The following CEP250 variants were observed in gnomAD, a reference collection of about 807,000 sequenced individuals.
CEP250 encodes the protein centrosomal protein 250, also known as centrosome-associated protein CEP250.
A neutral mutation model predicts 315.7 loss-of-function variants in CEP250; 242 were observed. That is an observed-to-expected ratio of 0.77 (90% CI 0.69 to 0.85). CEP250 has a LOEUF of 0.85. CEP250 is among the 40% of genes least tolerant of loss of function. CEP250 has a pLI of 0.00. For missense variants in CEP250, 2,515 were observed against 2,886.4 expected, an observed-to-expected ratio of 0.87 and a Z score of 2.95; for synonymous variants, 1,088 against 1,175.0, an observed-to-expected ratio of 0.93 and a Z score of 1.51.
At chr20:35,489,569 G>A (rs2063625136) in intron 20 of CEP250, among the ~76,000 whole-genome samples, 1 of 152,206 alleles carries the variant, frequency 6.6e-6, no homozygotes, top group African/African-American at 2.4e-5. Flanking sequence ...CATGCTAGTA[G>A]TGGTAGATTA....
intron 22 of CEP250, 45 bp from the exon 23 acceptor site, chr20:35,493,384 A>G (rs779216175): frequency 4.1e-6 from 6 of 1,459,422 alleles, no homozygotes; most frequent in Admixed American, 2.5e-5. Context: ...CAGTATTTCT[A>G]TGACACAGAT....
Position 35,501,895 on chromosome 20 carries a change from G to A in CEP250, c.3949G>A (p.Glu1317Lys). 5.0e-6 allele frequency: 8 copies of A among 1,613,648 alleles called. No individual in the cohort carries two copies. The highest frequency in any genetic ancestry group is 6.8e-6 in the Non-Finnish European group (8 of 1,179,968). Reference protein sequence around the residue: ...KQNSLESELMELHETMASLQS... With the variant: ...KQNSLESELMKLHETMASLQS... ...GAACTCCCTAGAATCTGAGCTGATG[G>A]AACTACATGAAACTATGGCATCCTT... is the stretch of plus-strand genomic sequence containing the variant. Residue 1317 changes from glutamate (E) to lysine (K), a missense_variant, in exon 29 of 35, where the codon GAA (glutamate) becomes AAA (lysine). Glu to Lys is a moderately conservative substitution (Grantham distance 56). Transcript: ENST00000397527.
At chr20:35,498,379 T>C (rs1431425028) in intron 26 of CEP250, among the ~76,000 whole-genome samples, 2 of 152,212 alleles carry the variant, frequency 1.3e-5, no homozygotes, top group Admixed American at 6.5e-5. Context: ...CTGGCACTTA[T>C]TAAGTGCGTA....
rs2064411926 is a variant in CEP250, at chr20:35,514,431, T to G, written c.*2805T>G. The G allele has an allele frequency of 6.6e-6, 1 of 152,332 alleles. No homozygotes were observed. The highest frequency in any genetic ancestry group is 2.4e-5 in the African/African-American group (1 of 41,468). 9.4% of individuals were successfully genotyped at this position (152,332 alleles called of 1,614,324 possible). Reference sequence around the variant, plus strand: ...GAAGCTGGTACTGGCTGGAAAGGCCTGAAAGCAGGAGGGGACAAGAGTCGT... The same window carrying G: ...GAAGCTGGTACTGGCTGGAAAGGCCGGAAAGCAGGAGGGGACAAGAGTCGT... On this transcript the variant is annotated 3_prime_UTR_variant, in exon 35 of 35. Coordinates refer to ENST00000397527, the MANE Select transcript of CEP250 (RefSeq NM_007186.6).
intron 32 of CEP250, 73 bp from the exon 33 acceptor site, chr20:35,508,870 C>T (rs2147216349): frequency 7.8e-7 from 1 of 1,280,894 alleles, no homozygotes; most frequent in South Asian, 1.3e-5. Flanking sequence ...CACTGGCCAC[C>T]TCTGGAGAAA....
At chr20:35,466,015 C>T in intron 6 of CEP250, 24 bp from the exon 7 acceptor site, 4 of 1,613,328 alleles carry the variant, frequency 2.5e-6, no homozygotes, top group Non-Finnish European at 2.5e-6. Flanking sequence ...ATTTTGCACC[C>T]ACTTTTACCC....
In CEP250 at chr20:35,511,710, A is replaced by G. The variant is rs1158936240; in HGVS notation, c.*84A>G. ...ACACCTACAGGTTTGCCAAAGGAAA[A>G]GCCTGGCTCTGTTAGGCACCCAGGA... On this transcript the variant is annotated 3_prime_UTR_variant, in exon 35 of 35. Coordinates refer to ENST00000397527, the MANE Select transcript of CEP250 (RefSeq NM_007186.6). 1.3e-6 allele frequency: 2 copies of G among 1,493,748 alleles called. No individual in the cohort carries two copies. The highest frequency in any genetic ancestry group is 1.4e-5 in the African/African-American group (1 of 71,544). The allele number at this position is 1,493,748 out of a possible 1,614,324, so 92.5% of individuals were successfully genotyped here.
Position 35,466,317 on chromosome 20 carries a change from C to T in CEP250, c.492+113C>T, listed in dbSNP as rs190716148. ...GACTTGGATGAAAACTGAGCTGTTGCTGTTAAAGTCCCTGACCATCCTTAC... is the reference window on the plus strand; with the variant it reads ...GACTTGGATGAAAACTGAGCTGTTGTTGTTAAAGTCCCTGACCATCCTTAC... On this transcript the variant is annotated intron_variant, in intron 7 of 34. Transcript: ENST00000397527. The T allele has an allele frequency of 1.3e-3, 1,715 of 1,272,724 alleles. 18 individuals carry two copies. In the Middle Eastern group the frequency reaches 0.016, roughly 12 times the overall value. The allele number at this position is 1,272,724 out of a possible 1,614,324, so 78.8% of individuals were successfully genotyped here.
At chr20:35,501,285 C>T (rs1355141227) in intron 28 of CEP250, among the ~76,000 whole-genome samples, 4 of 151,860 alleles carry the variant, frequency 2.6e-5, no homozygotes, top group Non-Finnish European at 5.9e-5. Context: ...TGCAGTGAGC[C>T]GAGATTGTGC....
intron 20 of CEP250, among the ~76,000 whole-genome samples, chr20:35,487,689 A>G (rs1038119020): frequency 1.3e-5 from 2 of 151,920 alleles, no homozygotes; most frequent in Non-Finnish European, 1.5e-5. Flanking sequence ...AATTCCAACA[A>G]TTTGGGAGGC....
chr20:35,469,368 C>T (rs1321060195), intron 9 of CEP250, among the ~76,000 whole-genome samples: 1 of 152,172 alleles, frequency 6.6e-6, no homozygotes, highest in East Asian at 1.9e-4. Context: ...TAGCCACTCA[C>T]ATAATAGCAA....
rs148254261 is a variant in CEP250 at position 35,504,195 on chromosome 20, G to A, written c.5826G>A (p.Leu1942=). The A allele has an allele frequency of 2.5e-6, 4 of 1,613,070 alleles. No individual in the cohort carries two copies. The African/African-American group carries it at 5.3e-5, about 22-fold the overall frequency. Residue 1942 remains leucine, a synonymous_variant, in exon 30 of 35, where the codon CTG becomes CTA. Transcript: ENST00000397527. ...QAVLKERDQE[L]EALRAESQSS... The stretch of plus-strand genomic sequence containing the variant: ...TGCTCAAGGAACGGGACCAGGAGCT[G>A]GAAGCTCTGCGGGCAGAAAGTCAGT...
At chr20:35,483,924 T>C (rs2063430713) in intron 20 of CEP250, among the ~76,000 whole-genome samples, 2 of 152,314 alleles carry the variant, frequency 1.3e-5, no homozygotes, top group Middle Eastern at 3.4e-3. Context: ...TTTCTAGATA[T>C]TTTATTTGGT....
intron 5 of CEP250, among the ~76,000 whole-genome samples, chr20:35,465,438 AAATG>A: frequency 1.4e-5 from 2 of 145,482 alleles, no homozygotes; most frequent in African/African-American, 5.7e-5. Context: ...AAAAAAAAAA[AAATG>A]AAAGAAGTTA....
In CEP250 at chr20:35,467,368, C is replaced by A. The variant is rs763309863; in HGVS notation, c.664C>A (p.Arg222Ser). The A allele has an allele frequency of 1.1e-5, 17 of 1,614,022 alleles. 1 individual carries two copies. In the South Asian group the frequency reaches 1.6e-4, roughly 16 times the overall value. The change falls in exon 9 of 35, where the codon CGC becomes AGC. Residue 222 changes from arginine (R) to serine (S), a missense_variant. Transcript: ENST00000397527. ...AGGGTCTCTGTTGACCTGTTGTCTGCGCTTGACTGTGGGAGCACAGTCTCG... is the reference window on the plus strand; with the variant it reads ...AGGGTCTCTGTTGACCTGTTGTCTGAGCTTGACTGTGGGAGCACAGTCTCG... Reference protein sequence around the residue: ...LSGSLLTCCLRLTVGAQSREP... With the variant: ...LSGSLLTCCLSLTVGAQSREP...
At chr20:35,467,216 C>T in intron 8 of CEP250, 88 bp from the exon 9 acceptor site, 2 of 1,506,572 alleles carry the variant, frequency 1.3e-6, no homozygotes, top group East Asian at 4.5e-5. Flanking sequence ...TTTTTCCCAG[C>T]CCTGCTCCTC....
At chr20:35,509,944 A>T (rs1601326819) in intron 33 of CEP250, 54 bp from the exon 34 acceptor site, 2 of 1,544,394 alleles carry the variant, frequency 1.3e-6, no homozygotes, top group East Asian at 4.5e-5. Flanking sequence ...AAACTTGCAG[A>T]AACCCCAGAG....
At chr20:35,465,104 A>G (rs751759084) in intron 5 of CEP250, among the ~76,000 whole-genome samples, 2 of 151,888 alleles carry the variant, frequency 1.3e-5, no homozygotes, top group African/African-American at 4.8e-5. Context: ...GTAGCTGGAG[A>G]CACTGTAGCT....
Position 35,511,469 on chromosome 20 carries a change from T to A in CEP250, c.7172T>A (p.Leu2391His). The change falls in exon 35 of 35, where the codon CTC (leucine) becomes CAC (histidine). Residue 2391 changes from leucine to histidine, a missense_variant. Transcript: ENST00000397527. ...GAGCTAGCAGGCCTGCACCACAGCC[T>A]CTCACACTCACTTCTTGCCGTGGCC... ...SRELAGLHHSLSHSLLAVAQA... is the reference protein window; with the variant it reads ...SRELAGLHHSHSHSLLAVAQA... The A allele has an allele frequency of 6.2e-7, 1 of 1,613,942 alleles. No individual in the cohort carries two copies. The highest frequency in any genetic ancestry group is 8.5e-7 in the Non-Finnish European group (1 of 1,180,004).
Sources: allele counts gnomAD v4.1 joint callset (sites outside exome capture counted in the v4.1 genomes callset), GRCh38; gene constraint gnomAD v4.1.1; transcripts MANE v1.5; gene names NCBI Gene and HGNC (gene_info 2026-07-23, HGNC 2026-07-21).